Variants in MEGF6 observed in about 807,000 individuals in gnomAD.
The protein encoded by MEGF6 is multiple EGF like domains 6.
A neutral mutation model predicts 207.1 loss-of-function variants in MEGF6; 184 were observed. The ratio of observed to expected loss-of-function variants is 0.89; its 90% CI spans 0.79 to 1.00. The LOEUF (loss-of-function observed/expected upper bound fraction) is 1.00, where lower values mean the gene tolerates loss of function less well. Ranked by LOEUF, MEGF6 falls within the 50% of genes least tolerant of loss-of-function variation. The pLI is 0.00. For synonymous variants in MEGF6, 1,038 were observed against 910.0 expected (o/e 1.14, Z -2.53); for missense variants, 2,282 against 2,202.9 (o/e 1.04, Z -0.72).
intron 3 of MEGF6, among the ~76,000 whole-genome samples, chr1:3,580,719 C>T (rs114558695): frequency 0.01 from 1,478 of 143,502 alleles, 22 homozygotes; most frequent in African/African-American, 0.028. Flanking sequence ...CTACCCTGCA[C>T]GTTACTACTT....
intron 4 of MEGF6, among the ~76,000 whole-genome samples, chr1:3,538,750 G>GTGTGTGTGTGT (rs1642412181): frequency 2.0e-5 from 3 of 149,016 alleles, no homozygotes; most frequent in Admixed American, 6.7e-5. Flanking sequence ...GTGTGTCCGC[G>GTGTGTGTGTGT]CTGTCTGTGG....
At chr1:3,496,610 A>G in intron 29 of MEGF6, 45 bp downstream of exon 29, 2 of 1,556,852 alleles carry the variant, frequency 1.3e-6, no homozygotes, top group Non-Finnish European at 1.7e-6. Context: ...CCTACCCTGG[A>G]GACACAGGAG....
At chr1:3,531,188 C>A in intron 4 of MEGF6, 1 of 1,519,382 alleles carries the variant, frequency 6.6e-7, no homozygotes, top group East Asian at 2.7e-5. Flanking sequence ...CGCGCCAGGC[C>A]CCCCAGGAGC....
At chr1:3,563,436 G>T (rs1643258928) in intron 4 of MEGF6, among the ~76,000 whole-genome samples, 1 of 152,196 alleles carries the variant, frequency 6.6e-6, no homozygotes, top group Non-Finnish European at 1.5e-5. Context: ...CCTCGTCGTA[G>T]CTGGAGTCAC....
At chr1:3,548,434 C>T (rs1473174373) in intron 4 of MEGF6, among the ~76,000 whole-genome samples, 2 of 152,268 alleles carry the variant, frequency 1.3e-5, no homozygotes, top group Admixed American at 6.5e-5. Context: ...GTCAGCACAG[C>T]CCTGCGGAGG....
At chr1:3,529,078 G>C (rs1642060459) in intron 4 of MEGF6, among the ~76,000 whole-genome samples, 1 of 152,156 alleles carries the variant, frequency 6.6e-6, no homozygotes, top group African/African-American at 2.4e-5. Context: ...ACACAGCCAG[G>C]TTCACGGGAG....
chr1:3,559,545 A>G (rs74048617), intron 4 of MEGF6, among the ~76,000 whole-genome samples: 1,867 of 143,632 alleles, frequency 0.013, 32 homozygotes, highest in African/African-American at 0.044. Flanking sequence ...AAAAAAAAAA[A>G]AAGAAGAAGT....
intron 4 of MEGF6, among the ~76,000 whole-genome samples, chr1:3,577,622 T>A (rs1219332856): frequency 6.6e-6 from 1 of 152,200 alleles, no homozygotes; most frequent in African/African-American, 2.4e-5. Context: ...CCACGGTGAC[T>A]GGGGCATGGG....
intron 4 of MEGF6, among the ~76,000 whole-genome samples, chr1:3,524,526 G>A (rs984336336): frequency 6.6e-5 from 10 of 152,232 alleles, no homozygotes; most frequent in Non-Finnish European, 2.9e-5. Flanking sequence ...GGCCTCTAGC[G>A]CCTTTCAAGA....
At chr1:3,491,330 T>C (rs1384107059) in intron 35 of MEGF6, among the ~76,000 whole-genome samples, 1 of 152,050 alleles carries the variant, frequency 6.6e-6, no homozygotes, top group Non-Finnish European at 1.5e-5. Context: ...GTCAAGGCAC[T>C]GCCCCCGGCA....
chr1:3,613,552 G>T (rs1264181959), upstream of MEGF6, among the ~76,000 whole-genome samples: 2 of 152,200 alleles, frequency 1.3e-5, no homozygotes, highest in Non-Finnish European at 2.9e-5. Flanking sequence ...TGGGACGGGG[G>T]TGGAGGAGGA....
intron 4 of MEGF6, among the ~76,000 whole-genome samples, chr1:3,538,429 G>A (rs78948917): frequency 3.3e-5 from 5 of 152,314 alleles, no homozygotes; most frequent in Admixed American, 6.5e-5. Flanking sequence ...TCCACTCCTC[G>A]CCCAAGCCAA....
intron 6 of MEGF6, among the ~76,000 whole-genome samples, chr1:3,515,129 C>A (rs554640749): frequency 2.6e-5 from 4 of 152,224 alleles, no homozygotes; most frequent in South Asian, 4.1e-4. Context: ...CAAAGCCCCC[C>A]CTTTCCACGC....
intron 3 of MEGF6, among the ~76,000 whole-genome samples, chr1:3,580,990 C>T (rs1261047294): frequency 2.6e-5 from 4 of 152,062 alleles, no homozygotes; most frequent in East Asian, 1.9e-4. Context: ...AGGCACAGGT[C>T]GTGTCAGCTG....
intron 4 of MEGF6, among the ~76,000 whole-genome samples, chr1:3,569,071 G>T (rs977174629): frequency 6.6e-6 from 1 of 152,158 alleles, no homozygotes; most frequent in Non-Finnish European, 1.5e-5. Context: ...ACAACCCATA[G>T]CCCCAGACAC....
Position 3,496,663 on chromosome 1 carries a change from C to T in MEGF6, c.3734G>A (p.Cys1245Tyr), listed in dbSNP as rs1255503755. ...RCPTGFLGTD[C>Y]NLTCPQGRFG... ...TGCCACCAGCCACTCACTGAGGTTG[C>T]AGTCCGTCCCGAGGAACCCAGTGGG... Residue 1245 changes from cysteine (C) to tyrosine (Y), a missense_variant, in exon 29 of 37, where the codon TGC (cysteine) becomes TAC (tyrosine). Coordinates refer to ENST00000356575, the MANE Select transcript of MEGF6 (RefSeq NM_001409.4). The T allele has an allele frequency of 6.4e-7, 1 of 1,574,070 alleles. No individual in the cohort carries two copies. The highest frequency in any genetic ancestry group is 8.6e-7 in the Non-Finnish European group (1 of 1,160,240).
chr1:3,491,967 G>A (rs2100815969), intron 35 of MEGF6, among the ~76,000 whole-genome samples: 1 of 151,826 alleles, frequency 6.6e-6, no homozygotes, highest in East Asian at 2.0e-4. Context: ...GCCCCCTGCC[G>A]CACATGCATG....
At chr1:3,503,232 G>A (rs959875693) in intron 17 of MEGF6, among the ~76,000 whole-genome samples, 2 of 152,186 alleles carry the variant, frequency 1.3e-5, no homozygotes, top group East Asian at 3.9e-4. Context: ...GGGACTACAG[G>A]CCTGGCACTC....
At chr1:3,520,666 CGGGG>C (rs1641712923) in intron 5 of MEGF6, among the ~76,000 whole-genome samples, 1 of 152,166 alleles carries the variant, frequency 6.6e-6, no homozygotes, top group Non-Finnish European at 1.5e-5. Flanking sequence ...GGCTGGGGAA[CGGGG>C]ACCCACACTC....
Sources: allele counts gnomAD v4.1 joint callset (sites outside exome capture counted in the v4.1 genomes callset), GRCh38; gene constraint gnomAD v4.1.1; transcripts MANE v1.5; gene names NCBI Gene and HGNC (gene_info 2026-07-23, HGNC 2026-07-21).